PARD3B: variants seen among roughly 807,000 people sequenced by gnomAD.
PARD3B encodes par-3 family cell polarity regulator beta, also known as partitioning defective 3 homolog B.
In PARD3B, 103 loss-of-function variants were observed where a neutral mutation model predicts 130.2. The observed-to-expected ratio is 0.79, with a 90% CI of 0.67 to 0.93. PARD3B has a LOEUF of 0.93. Among genes scored for constraint, PARD3B ranks in the 40% least tolerant of loss-of-function variants. The pLI is 0.00. For missense variants in PARD3B, 1,609 were observed against 1,499.2 expected, an observed-to-expected ratio of 1.07 and a Z score of -1.21; for synonymous variants, 583 against 553.2, an observed-to-expected ratio of 1.05 and a Z score of -0.76.
rs200800331 is a variant in PARD3B at position 205,558,783 on chromosome 2, CCTT to C, written c.3260+5383_3260+5385del. Reference sequence around the variant, plus strand: ...TTGTGACCCCGTTTGATATACTCCTCCTTCTGCCTCCAAGACGCCTCCAAGTCC... The same window carrying C: ...TTGTGACCCCGTTTGATATACTCCTCCTGCCTCCAAGACGCCTCCAAGTCC... On this transcript the variant is annotated intron_variant, in intron 22 of 22. Transcript: ENST00000406610. This position sits in a 1 kb window ranked among gnomAD's most constrained non-coding sequence, Gnocchi z 4.8. Among the ~76,000 whole-genome samples, 589 of 152,270 alleles carry C rather than the reference CCTT, an allele frequency of 3.9e-3. 7 individuals carry two copies. The highest frequency in any genetic ancestry group is 0.013 in the African/African-American group (559 of 41,546).
At chr2:204,618,592 A>T (rs1185785870) in intron 1 of PARD3B, among the ~76,000 whole-genome samples, 6 of 152,194 alleles carry the variant, frequency 3.9e-5, no homozygotes, top group African/African-American at 1.4e-4. Context: ...TTATGAAGTC[A>T]TTTATAAGCA....
chr2:204,807,688 A>G (rs2042823075), intron 2 of PARD3B, among the ~76,000 whole-genome samples: 1 of 152,142 alleles, frequency 6.6e-6, no homozygotes, highest in Non-Finnish European at 1.5e-5. Context: ...CATTTGCAAC[A>G]TGGATAGAAC....
chr2:204,658,565 T>C (rs2035707851), intron 1 of PARD3B, among the ~76,000 whole-genome samples: 1 of 152,180 alleles, frequency 6.6e-6, no homozygotes, highest in Non-Finnish European at 1.5e-5. Context: ...ACCTCAAAGC[T>C]GAGGAATGAC....
At chr2:205,172,413 T>A in intron 12 of PARD3B, 32 bp downstream of exon 12, 1 of 1,592,630 alleles carries the variant, frequency 6.3e-7, no homozygotes, top group Admixed American at 1.7e-5. Flanking sequence ...CTCAGCCAGT[T>A]GCCCAAATTG....
chr2:205,529,736 AT>A (rs1209230938), intron 21 of PARD3B, among the ~76,000 whole-genome samples: 4 of 152,100 alleles, frequency 2.6e-5, no homozygotes, highest in African/African-American at 7.2e-5. Flanking sequence ...TCTGCTGGTT[AT>A]TTTCCCTTTT....
chr2:205,453,452 G>A (rs1023902638), intron 20 of PARD3B, among the ~76,000 whole-genome samples: 1 of 152,186 alleles, frequency 6.6e-6, no homozygotes, highest in Non-Finnish European at 1.5e-5. Context: ...AGGCAATGGG[G>A]AACGCTTAAA....
intron 2 of PARD3B, among the ~76,000 whole-genome samples, chr2:204,797,174 CAA>C (rs1162381095): frequency 2.6e-4 from 14 of 53,006 alleles, no homozygotes; most frequent in African/African-American, 7.6e-4. Flanking sequence ...GACTCTGTCT[CAA>C]AAAAAAAAAA....
intron 2 of PARD3B, among the ~76,000 whole-genome samples, chr2:204,915,277 A>G (rs2047400987): frequency 6.6e-6 from 1 of 152,174 alleles, no homozygotes; most frequent in South Asian, 2.1e-4. Flanking sequence ...CCTGCGCTAT[A>G]CTTAATAAAC....
chr2:205,409,190 A>G (rs1304090207), intron 19 of PARD3B, among the ~76,000 whole-genome samples: 2 of 152,160 alleles, frequency 1.3e-5, no homozygotes, highest in Non-Finnish European at 2.9e-5. Context: ...CAGTGAATGA[A>G]AAGAGATCTT....
chr2:205,556,474 A>T (rs1229651326), intron 22 of PARD3B, among the ~76,000 whole-genome samples: 1 of 152,220 alleles, frequency 6.6e-6, no homozygotes, highest in Non-Finnish European at 1.5e-5. Flanking sequence ...GCTAAATGAC[A>T]TTTCACGAAA....
At chr2:205,441,720 G>A (rs2047722603) in intron 20 of PARD3B, among the ~76,000 whole-genome samples, 1 of 152,122 alleles carries the variant, frequency 6.6e-6, no homozygotes, top group Admixed American at 6.5e-5. Flanking sequence ...GGGAGAGGAA[G>A]GGAAATCATG....
chr2:204,704,204 A>G (rs1466669920), intron 2 of PARD3B, among the ~76,000 whole-genome samples: 1 of 152,176 alleles, frequency 6.6e-6, no homozygotes, highest in African/African-American at 2.4e-5. Context: ...ACTTTTCATC[A>G]TAACAGTATT....
chr2:205,041,930 C>T (rs747492347), intron 3 of PARD3B, among the ~76,000 whole-genome samples: 11 of 152,074 alleles, frequency 7.2e-5, no homozygotes, highest in East Asian at 3.9e-4. Context: ...TATTAAATGA[C>T]GTCACCTGTC....
chr2:204,690,993 A>G (rs887569291), intron 2 of PARD3B, among the ~76,000 whole-genome samples: 1 of 152,080 alleles, frequency 6.6e-6, no homozygotes, highest in Non-Finnish European at 1.5e-5. Context: ...TTATGCTGTT[A>G]TCGTCTATAG....
At chr2:205,249,209 A>G (rs1289914172) in intron 16 of PARD3B, among the ~76,000 whole-genome samples, 3 of 143,520 alleles carry the variant, frequency 2.1e-5, no homozygotes, top group Non-Finnish European at 4.5e-5. Flanking sequence ...TTTTTATGCT[A>G]AGAGTCTCTC....
At chr2:204,963,311 G>A (rs1386888837) in intron 2 of PARD3B, among the ~76,000 whole-genome samples, 1 of 151,984 alleles carries the variant, frequency 6.6e-6, no homozygotes, top group East Asian at 1.9e-4. Context: ...TTTATCTTAC[G>A]AGTTATCACT....
intron 18 of PARD3B, among the ~76,000 whole-genome samples, chr2:205,392,931 AAGTG>A (rs914580595): frequency 2.6e-5 from 4 of 152,204 alleles, no homozygotes; most frequent in Admixed American, 2.0e-4. Context: ...ATTAACATAA[AAGTG>A]AGTAATGTCC....
intron 2 of PARD3B, among the ~76,000 whole-genome samples, chr2:204,775,518 G>A (rs1275852468): frequency 6.6e-6 from 1 of 152,084 alleles, no homozygotes; most frequent in Non-Finnish European, 1.5e-5. Context: ...AAATGGAGCT[G>A]GAGGAGCCAG....
rs2033407260 is a variant in PARD3B at position 205,146,917 on chromosome 2, T to C, written c.1435-11805T>C. Among the ~76,000 whole-genome samples, 1 of 151,992 alleles carries C rather than the reference T, an allele frequency of 6.6e-6. No homozygotes were observed. The highest frequency in any genetic ancestry group is 1.5e-5 in the Non-Finnish European group (1 of 68,018). On this transcript the variant is annotated intron_variant, in intron 10 of 22. Transcript: ENST00000406610. This position sits in a 1 kb window ranked among gnomAD's most constrained non-coding sequence, Gnocchi z 4.3. Reference sequence around the variant, plus strand: ...TTTTAGTAGGAATGGGGTTTTGCCATGTTGGCCAGGCTGGTCTCGAACTCC... The same window carrying C: ...TTTTAGTAGGAATGGGGTTTTGCCACGTTGGCCAGGCTGGTCTCGAACTCC...
Sources: allele counts gnomAD v4.1 joint callset (sites outside exome capture counted in the v4.1 genomes callset), GRCh38; gene constraint gnomAD v4.1.1; non-coding constraint Gnocchi (gnomAD v3.1); transcripts MANE v1.5; gene names NCBI Gene and HGNC (gene_info 2026-07-23, HGNC 2026-07-21).